Variants in GNG2 observed in about 807,000 individuals in gnomAD.
GNG2 encodes G protein subunit gamma 2, also known as guanine nucleotide-binding protein G(I)/G(S)/G(O) subunit gamma-2.
GNG2 carries 5 observed loss-of-function variants against 5.5 expected under a neutral mutation model. The observed-to-expected ratio is 0.91, with a 90% CI of 0.48 to 1.92. The LOEUF is 1.92. GNG2 is among the 30% of genes most tolerant of loss of function. The probability of loss-of-function intolerance (pLI) is 0.01; values close to 1 mark genes in which losing one functional copy is unlikely to be tolerated. For missense variants in GNG2, 55 were observed against 88.4 expected (o/e 0.62, Z 1.52); for synonymous variants, 28 against 32.0 (o/e 0.88, Z 0.42).
At chr14:51,946,321 A>G (rs11622145) in intron 2 of GNG2, among the ~76,000 whole-genome samples, 47,727 of 152,110 alleles carry the variant, frequency 0.31, 8,429 homozygotes, top group Non-Finnish European at 0.39. Flanking sequence ...AAAAGCAACT[A>G]ACAACTAATA....
chr14:51,843,842 T>C (rs557098292), intron 2 of GNG2, among the ~76,000 whole-genome samples: 10 of 152,318 alleles, frequency 6.6e-5, no homozygotes, highest in African/African-American at 2.4e-4. Context: ...TTGGTCCCAC[T>C]ATGCCAAGCT....
At chr14:51,922,005 A>C (rs1466054309) in intron 2 of GNG2, among the ~76,000 whole-genome samples, 1 of 152,202 alleles carries the variant, frequency 6.6e-6, no homozygotes, top group Non-Finnish European at 1.5e-5. Flanking sequence ...CATTTTCTTC[A>C]TAAATGATAC....
At chr14:51,860,055 C>A (rs1407500864), upstream of GNG2, among the ~76,000 whole-genome samples, 2 of 152,040 alleles carry the variant, frequency 1.3e-5, no homozygotes, top group Non-Finnish European at 2.9e-5. Context: ...GAAATGAAGC[C>A]TCTGAAATGT....
In GNG2 at chr14:51,969,274, G is replaced by A. The variant is rs1183503154; in HGVS notation, c.*2587G>A. 1.3e-5 allele frequency: 2 copies of A among 152,112 alleles called. No individual in the cohort carries two copies. Among genetic ancestry groups the A allele is most frequent in the African/African-American group, 4.8e-5 (2 of 41,416 alleles). 9.4% of individuals were successfully genotyped at this position (152,112 alleles called of 1,614,324 possible). A position where few individuals can be genotyped will look rare whatever the true frequency, so the allele number is the denominator to read the frequency against. The stretch of plus-strand genomic sequence containing the variant: ...TAACAATAAACTTCATATTTAGAAT[G>A]CAAAGTCTATAAAGAATAATTTTAC... On this transcript the variant is annotated 3_prime_UTR_variant, in exon 4 of 4. Coordinates refer to ENST00000556766, the MANE Select transcript of GNG2 (RefSeq NM_053064.5).
intron 2 of GNG2, among the ~76,000 whole-genome samples, chr14:51,904,993 T>A (rs12588519): frequency 6.6e-6 from 1 of 152,186 alleles, no homozygotes; most frequent in African/African-American, 2.4e-5. Flanking sequence ...TGGAAATATA[T>A]CTACACTTAA....
In GNG2 at chr14:51,950,724, G is replaced by A. The variant is rs368850368; in HGVS notation, c.46G>A (p.Val16Ile). Residue 16 changes from valine (V) to isoleucine (I), a missense_variant, in exon 3 of 4, where the codon GTA (valine) becomes ATA (isoleucine). Val to Ile is a conservative substitution (Grantham distance 29). Coordinates refer to ENST00000556766, the MANE Select transcript of GNG2 (RefSeq NM_053064.5). Reference sequence around the variant, plus strand: ...CAGCATAGCACAAGCCAGGAAGCTGGTAGAGCAGCTTAAGATGGAAGCCAA... The same window carrying A: ...CAGCATAGCACAAGCCAGGAAGCTGATAGAGCAGCTTAAGATGGAAGCCAA... ...TASIAQARKLVEQLKMEANID... is the reference protein window; with the variant it reads ...TASIAQARKLIEQLKMEANID... 3 of 1,612,022 alleles carry A rather than the reference G, an allele frequency of 1.9e-6. No homozygotes were observed. Among genetic ancestry groups the A allele is most frequent in the Non-Finnish European group, 2.5e-6 (3 of 1,179,166 alleles).
intron 2 of GNG2, among the ~76,000 whole-genome samples, chr14:51,850,996 A>G (rs1380923914): frequency 6.6e-6 from 1 of 152,212 alleles, no homozygotes; most frequent in Non-Finnish European, 1.5e-5. Context: ...ACAAATATCC[A>G]AAGCATATCA....
At chr14:51,942,696 A>ATACAGGC (rs1888415572) in intron 2 of GNG2, among the ~76,000 whole-genome samples, 1 of 149,430 alleles carries the variant, frequency 6.7e-6, no homozygotes, top group Non-Finnish European at 1.5e-5. Context: ...AGTAGCTGGG[A>ATACAGGC]TACAGGCATG....
chr14:51,940,784 G>T (rs1423905174), intron 2 of GNG2, among the ~76,000 whole-genome samples: 1 of 152,146 alleles, frequency 6.6e-6, no homozygotes, highest in Non-Finnish European at 1.5e-5. Flanking sequence ...ATTGAAATGT[G>T]CTATTTTAGT....
rs369095215 is a variant in GNG2 at position 51,836,856 on chromosome 14, C to CTTTTTTTTTTTTTTTTTTTTTT, written c.64+9068_64+9069insTTTTTTTTTTTTTTTTTTTTTT. 6.1e-5 allele frequency among the ~76,000 whole-genome samples: 8 copies of CTTTTTTTTTTTTTTTTTTTTTT among 130,676 alleles called. 4 individuals carry two copies. The highest frequency in any genetic ancestry group is 6.5e-5 in the Non-Finnish European group (4 of 61,654). The allele number at this position is 130,676 out of a possible 152,430, so 85.7% of individuals were successfully genotyped here. ...ATATTATGATTTTAAGTGACTTCATCTTTTTTTTTTTTTTTTTTTGAGACA... is the reference window on the plus strand; with the variant it reads ...ATATTATGATTTTAAGTGACTTCATCTTTTTTTTTTTTTTTTTTTTTTTTTTTTTTTTTTTTTTTTTGAGACA... On this transcript the variant is annotated intron_variant, in intron 2 of 3. Transcript: ENST00000553432.
chr14:51,944,928 TCAA>T (rs962123832), intron 2 of GNG2, among the ~76,000 whole-genome samples: 10 of 151,978 alleles, frequency 6.6e-5, no homozygotes, highest in African/African-American at 2.4e-4. Context: ...CACTTAAAAC[TCAA>T]CAACAATAAC....
chr14:51,849,805 CTTTTT>C (rs33966382), intron 2 of GNG2, among the ~76,000 whole-genome samples: 73 of 121,960 alleles, frequency 6.0e-4, no homozygotes, highest in Middle Eastern at 4.4e-3. Context: ...AAAGCAAATG[CTTTTT>C]TTTTTTTTTT....
chr14:51,896,233 A>G (rs905926239), intron 2 of GNG2, among the ~76,000 whole-genome samples: 3 of 152,246 alleles, frequency 2.0e-5, no homozygotes, highest in African/African-American at 7.2e-5. Context: ...ATTGTGATCT[A>G]AAACGTAAAA....
chr14:51,939,646 A>G (rs1594940411), intron 2 of GNG2: 1 of 152,122 alleles, frequency 6.6e-6, no homozygotes, highest in East Asian at 1.9e-4. Flanking sequence ...AATAGTCCAG[A>G]GTGGATTTTA....
intron 1 of GNG2, among the ~76,000 whole-genome samples, chr14:51,874,284 G>A (rs754007590): frequency 6.6e-6 from 1 of 152,028 alleles, no homozygotes; most frequent in Non-Finnish European, 1.5e-5. Context: ...AATTAGCCGG[G>A]CGTGGTGGTG....
At chr14:51,901,963 T>TAAAAAAAAAAAAAAAAAAAAAAAAAAAAA (rs34308582) in intron 2 of GNG2, among the ~76,000 whole-genome samples, 1 of 56,428 alleles carries the variant, frequency 1.8e-5, no homozygotes, top group Non-Finnish European at 3.2e-5. Flanking sequence ...TAACAATCTG[T>TAAAAAAAAAAAAAAAAAAAAAAAAAAAAA]AAAAAAAAAA....
At chr14:51,936,113 A>T (rs977532592) in intron 2 of GNG2, among the ~76,000 whole-genome samples, 4 of 152,180 alleles carry the variant, frequency 2.6e-5, no homozygotes, top group Non-Finnish European at 4.4e-5. Context: ...TAAATAAAAC[A>T]CAGTGCCACT....
At chr14:51,887,525 T>C (rs1884548481) in intron 2 of GNG2, among the ~76,000 whole-genome samples, 1 of 152,166 alleles carries the variant, frequency 6.6e-6, no homozygotes, top group Admixed American at 6.6e-5. Context: ...CAGCACAAAA[T>C]GATGGACAAA....
At chr14:51,932,491 G>A (rs965582712) in intron 2 of GNG2, among the ~76,000 whole-genome samples, 1 of 152,038 alleles carries the variant, frequency 6.6e-6, no homozygotes, top group African/African-American at 2.4e-5. Flanking sequence ...TGGGCTGGGT[G>A]TAGTGGCTTT....
Sources: allele counts gnomAD v4.1 joint callset (sites outside exome capture counted in the v4.1 genomes callset), GRCh38; gene constraint gnomAD v4.1.1; transcripts MANE v1.5; gene names NCBI Gene and HGNC (gene_info 2026-07-23, HGNC 2026-07-21).